Variants in TAF3 observed in about 807,000 individuals in gnomAD.
TAF3 encodes the protein TATA-box binding protein associated factor 3.
A neutral mutation model predicts 80.6 loss-of-function variants in TAF3; 7 were observed. That is an observed-to-expected ratio of 0.09 (90% CI 0.05 to 0.16). TAF3 has a LOEUF of 0.16. TAF3 is among the 10% of genes least tolerant of loss of function. The probability of loss-of-function intolerance (pLI) is 1.00; values close to 1 mark genes in which losing one functional copy is unlikely to be tolerated. For missense variants in TAF3, 921 were observed against 1,140.2 expected, an observed-to-expected ratio of 0.81 and a Z score of 2.77; for synonymous variants, 444 against 446.1, an observed-to-expected ratio of 1.00 and a Z score of 0.06.
chr10:7,907,050 T>A (rs1039800560), intron 2 of TAF3, among the ~76,000 whole-genome samples: 2 of 152,126 alleles, frequency 1.3e-5, no homozygotes, highest in Non-Finnish European at 2.9e-5. Flanking sequence ...GTGGACAGTG[T>A]TCGTAGGGCC....
At chr10:7,998,639 G>C (rs1277033185) in intron 4 of TAF3, among the ~76,000 whole-genome samples, 1 of 151,998 alleles carries the variant, frequency 6.6e-6, no homozygotes, top group Non-Finnish European at 1.5e-5. Flanking sequence ...AGGAGTTCGA[G>C]ACCAGCCTGG....
chr10:7,901,388 A>C (rs567648380), intron 2 of TAF3, among the ~76,000 whole-genome samples: 31 of 152,366 alleles, frequency 2.0e-4, no homozygotes, highest in East Asian at 1.9e-3. Context: ...AAAACAAAGA[A>C]ATTAATTATC....
chr10:7,966,241 T>C (rs1831570217), intron 3 of TAF3, among the ~76,000 whole-genome samples: 1 of 152,266 alleles, frequency 6.6e-6, no homozygotes, highest in Admixed American at 6.5e-5. Flanking sequence ...TGTTTAGGAT[T>C]ATGCCTGTCT....
At chr10:7,900,624 A>G (rs1245562699) in intron 2 of TAF3, among the ~76,000 whole-genome samples, 1 of 152,242 alleles carries the variant, frequency 6.6e-6, no homozygotes, top group Non-Finnish European at 1.5e-5. Context: ...AAAGGTAGAA[A>G]GTTATGAAAT....
At chr10:7,854,543 G>C (rs1837060246) in intron 2 of TAF3, among the ~76,000 whole-genome samples, 1 of 151,998 alleles carries the variant, frequency 6.6e-6, no homozygotes, top group Non-Finnish European at 1.5e-5. Flanking sequence ...AAAGACTTCT[G>C]TGAGGTAAAG....
chr10:7,944,576 A>G (rs1394146302), intron 2 of TAF3, among the ~76,000 whole-genome samples: 1 of 152,254 alleles, frequency 6.6e-6, no homozygotes, highest in Non-Finnish European at 1.5e-5. Context: ...AGTGAGCCTC[A>G]GAAAACAATT....
intron 2 of TAF3, among the ~76,000 whole-genome samples, chr10:7,849,805 A>C (rs1338425676): frequency 6.6e-6 from 1 of 151,640 alleles, no homozygotes; most frequent in East Asian, 1.9e-4. Flanking sequence ...TCAGCCTCCC[A>C]AGTAGCTGGG....
At chr10:7,949,224 C>G (rs1182682498) in intron 2 of TAF3, among the ~76,000 whole-genome samples, 1 of 152,224 alleles carries the variant, frequency 6.6e-6, no homozygotes, top group African/African-American at 2.4e-5. Flanking sequence ...AATCAGAGTC[C>G]ACTTGCCCTT....
intron 2 of TAF3, among the ~76,000 whole-genome samples, chr10:7,827,724 G>A (rs1207768929): frequency 2.6e-5 from 4 of 151,410 alleles, no homozygotes; most frequent in Non-Finnish European, 5.9e-5. Context: ...AGCTTGCAGT[G>A]AGCCGAGATT....
At chr10:7,858,176 G>A (rs1588526938) in intron 2 of TAF3, among the ~76,000 whole-genome samples, 1 of 152,134 alleles carries the variant, frequency 6.6e-6, no homozygotes, top group East Asian at 1.9e-4. Context: ...TCAAAATAAC[G>A]ATTGGCCTGG....
Position 8,009,416 on chromosome 10 carries a change from A to G in TAF3, c.2568+86A>G, listed in dbSNP as rs991815926. ...GCTCTGAATCACTATCGAATTTCAG[A>G]CGCATTTCTCTTCAAAATTTTATTA... On this transcript the variant is annotated intron_variant, in intron 5 of 6. Coordinates refer to ENST00000344293, the MANE Select transcript of TAF3 (RefSeq NM_031923.4). The surrounding 1 kb of genome is among the most constrained non-coding windows in gnomAD (Gnocchi z 4.1). The G allele has an allele frequency of 2.8e-6, 4 of 1,452,150 alleles. No homozygotes were observed. In the African/African-American group the frequency reaches 6.1e-5, roughly 22 times the overall value. The allele number at this position is 1,452,150 out of a possible 1,614,324, so 90.0% of individuals were successfully genotyped here. A position where few individuals can be genotyped will look rare whatever the true frequency, so the allele number is the denominator to read the frequency against.
chr10:7,958,748 CG>C (rs1298694125), intron 2 of TAF3, among the ~76,000 whole-genome samples: 1 of 152,162 alleles, frequency 6.6e-6, no homozygotes, highest in Non-Finnish European at 1.5e-5. Flanking sequence ...AACTTCCACG[CG>C]CGTTACTTAT....
chr10:7,851,980 T>C (rs949194611), intron 2 of TAF3, among the ~76,000 whole-genome samples: 4 of 151,832 alleles, frequency 2.6e-5, no homozygotes, highest in African/African-American at 9.7e-5. Flanking sequence ...GATGACGTCT[T>C]GTCATGTTGC....
intron 2 of TAF3, among the ~76,000 whole-genome samples, chr10:7,960,055 AC>A (rs1838174291): frequency 2.6e-5 from 4 of 152,348 alleles, no homozygotes; most frequent in African/African-American, 9.6e-5. Flanking sequence ...AGCAGGATGC[AC>A]CATAACATAC....
intron 4 of TAF3, among the ~76,000 whole-genome samples, chr10:7,982,510 G>A (rs1465304923): frequency 6.6e-6 from 1 of 151,938 alleles, no homozygotes; most frequent in Non-Finnish European, 1.5e-5. Context: ...GTGATTCTCC[G>A]GCCTAAGCCT....
intron 2 of TAF3, among the ~76,000 whole-genome samples, chr10:7,961,048 A>G (rs779319053): frequency 5.3e-5 from 8 of 152,202 alleles, no homozygotes; most frequent in Non-Finnish European, 1.0e-4. Context: ...TCACCGTAAG[A>G]CGACGTGAGA....
chr10:7,846,847 A>T (rs1429524811), intron 2 of TAF3, among the ~76,000 whole-genome samples: 1 of 152,226 alleles, frequency 6.6e-6, no homozygotes, highest in Non-Finnish European at 1.5e-5. Context: ...TAATAAGTGG[A>T]AGAATGATGA....
intron 2 of TAF3, among the ~76,000 whole-genome samples, chr10:7,940,496 A>G (rs1438887842): frequency 2.6e-5 from 4 of 152,232 alleles, no homozygotes; most frequent in Admixed American, 2.0e-4. Context: ...TAACTCCGAT[A>G]AACAACTGTA....
At chr10:7,908,013 G>C (rs891762035) in intron 2 of TAF3, among the ~76,000 whole-genome samples, 5 of 152,216 alleles carry the variant, frequency 3.3e-5, no homozygotes, top group African/African-American at 1.2e-4. Context: ...CAGTGGTGCA[G>C]ATTTGCTCAG....
Sources: gnomAD v4.1 joint callset for allele counts (sites outside exome capture counted in the v4.1 genomes callset) on GRCh38, gnomAD v4.1.1 for gene constraint, Gnocchi (gnomAD v3.1) non-coding constraint, MANE v1.5 for transcripts, NCBI Gene and HGNC (gene_info 2026-07-23, HGNC 2026-07-21) for gene names.